The following GLP2R variants were observed in gnomAD, a reference collection of about 807,000 sequenced individuals.
The protein encoded by GLP2R is glucagon like peptide 2 receptor, also known as glucagon-like peptide 2 receptor.
GLP2R carries 59 observed loss-of-function variants against 68.2 expected under a neutral mutation model. The observed-to-expected ratio is 0.87, with a 90% CI of 0.70 to 1.07. GLP2R has a LOEUF of 1.07. Among genes scored for constraint, GLP2R ranks in the 50% least tolerant of loss-of-function variants. GLP2R has a pLI of 0.00. For synonymous variants in GLP2R, 270 were observed against 265.4 expected (o/e 1.02, Z -0.17); for missense variants, 548 against 677.4 (o/e 0.81, Z 2.12).
intron 10 of GLP2R, among the ~76,000 whole-genome samples, chr17:9,873,312 C>T (rs1037818478): frequency 2.6e-5 from 4 of 152,184 alleles, no homozygotes; most frequent in Non-Finnish European, 4.4e-5. Context: ...AAGCCTATCA[C>T]GGGCCACTGG....
intron 3 of GLP2R, among the ~76,000 whole-genome samples, chr17:9,841,911 C>A (rs1471604359): frequency 6.6e-6 from 1 of 152,176 alleles, no homozygotes; most frequent in Non-Finnish European, 1.5e-5. Context: ...GTCACAATGG[C>A]AGTCTGTATG....
At chr17:9,871,494 A>G (rs998015015) in intron 10 of GLP2R, among the ~76,000 whole-genome samples, 3 of 152,134 alleles carry the variant, frequency 2.0e-5, no homozygotes, top group Non-Finnish European at 4.4e-5. Flanking sequence ...AAATGAGACC[A>G]CAAACTTTTA....
At chr17:9,868,880 G>A (rs904814073) in intron 9 of GLP2R, among the ~76,000 whole-genome samples, 20 of 152,138 alleles carry the variant, frequency 1.3e-4, no homozygotes, top group African/African-American at 4.3e-4. Flanking sequence ...TAAGAAAAAT[G>A]CCTATGTTCA....
chr17:9,852,593 A>G (rs1051185580), intron 4 of GLP2R, among the ~76,000 whole-genome samples: 2 of 152,264 alleles, frequency 1.3e-5, no homozygotes, highest in Non-Finnish European at 2.9e-5. Flanking sequence ...ATTACAAAGT[A>G]TGAATAGAAT....
chr17:9,866,315 G>T, intron 9 of GLP2R: 1 of 178,866 alleles, frequency 5.6e-6, no homozygotes, highest in Non-Finnish European at 1.2e-5. Context: ...GGGACATTTG[G>T]CTGTGTCTGG....
chr17:9,891,292 G>A lies in GLP2R; in HGVS notation c.*1587G>A, dbSNP rs369111522. 5.9e-5 allele frequency: 9 copies of A among 151,994 alleles called. No homozygotes were observed. Among genetic ancestry groups the A allele is most frequent in the African/African-American group, 2.2e-4 (9 of 41,374 alleles). The allele number at this position is 151,994 out of a possible 1,614,324, so 9.4% of individuals were successfully genotyped here. ...TACTTTGCCACAGGGCTGGGACTAG[G>A]GTGAAATAATCAAGGCACTCATCTC... On this transcript the variant is annotated 3_prime_UTR_variant, in exon 13 of 13. Transcript: ENST00000262441.
chr17:9,859,999 T>A lies in GLP2R; in HGVS notation c.823T>A (p.Tyr275Asn). ...CTTGCATTACTTTGTGGGTGCCAATTACTTATGGCTGCTGGTTGAAGGCCT... is the reference window on the plus strand; with the variant it reads ...CTTGCATTACTTTGTGGGTGCCAATAACTTATGGCTGCTGGTTGAAGGCCT... ...VLLHYFVGAN[Y>N]LWLLVEGLYL... The change falls in exon 7 of 13, where the codon TAC becomes AAC. Residue 275 changes from tyrosine to asparagine, a missense_variant. By Grantham distance (143) the Tyr-to-Asn change is moderately radical. Transcript: ENST00000262441. 1.9e-6 allele frequency: 3 copies of A among 1,613,404 alleles called. No homozygotes were observed. The highest frequency in any genetic ancestry group is 2.5e-6 in the Non-Finnish European group (3 of 1,179,862).
intron 10 of GLP2R, among the ~76,000 whole-genome samples, chr17:9,878,006 A>G (rs1230533081): frequency 6.6e-6 from 1 of 152,222 alleles, no homozygotes; most frequent in Non-Finnish European, 1.5e-5. Context: ...AAAAACCATA[A>G]CACCATAACA....
intron 11 of GLP2R, among the ~76,000 whole-genome samples, chr17:9,884,508 G>C (rs1410114301): frequency 6.6e-6 from 1 of 152,166 alleles, no homozygotes; most frequent in East Asian, 1.9e-4. Flanking sequence ...GAGACACCAA[G>C]TTCCCTATAC....
intron 1 of GLP2R, among the ~76,000 whole-genome samples, 196 bp downstream of exon 1, chr17:9,826,448 G>A (rs1210214074): frequency 6.6e-6 from 1 of 152,024 alleles, no homozygotes; most frequent in Non-Finnish European, 1.5e-5. Context: ...TTTTCTCTAT[G>A]CATTTGTTTT....
intron 10 of GLP2R, among the ~76,000 whole-genome samples, chr17:9,872,968 C>T (rs914513484): frequency 3.3e-5 from 5 of 152,144 alleles, no homozygotes; most frequent in Admixed American, 6.5e-5. Flanking sequence ...GCAAGAAACC[C>T]GTAGCCCTGG....
intron 4 of GLP2R, among the ~76,000 whole-genome samples, chr17:9,849,904 C>A (rs1275106658): frequency 2.6e-5 from 4 of 152,120 alleles, no homozygotes; most frequent in Non-Finnish European, 4.4e-5. Context: ...TGAGCCACTG[C>A]GCCCAGCCTA....
chr17:9,863,350 C>A (rs1597393288), intron 9 of GLP2R, among the ~76,000 whole-genome samples: 1 of 152,214 alleles, frequency 6.6e-6, no homozygotes, highest in Admixed American at 6.5e-5. Flanking sequence ...TCTTCCCAAC[C>A]AACCTGTGAA....
rs1375540279 is a variant in GLP2R at position 9,890,699 on chromosome 17, T to C, written c.*994T>C. 1 of 152,366 alleles carries C rather than the reference T, an allele frequency of 6.6e-6. No homozygotes were observed. Among genetic ancestry groups the C allele is most frequent in the Non-Finnish European group, 1.5e-5 (1 of 68,160 alleles). The allele number at this position is 152,366 out of a possible 1,614,324, so 9.4% of individuals were successfully genotyped here. ...CAGGAAGTTGACCTATAACTCTCCA[T>C]GGCCAGAGTCCCTGCTGATCAGAAT... On this transcript the variant is annotated 3_prime_UTR_variant, in exon 13 of 13. Transcript: ENST00000262441.
intron 3 of GLP2R, among the ~76,000 whole-genome samples, chr17:9,841,547 G>A (rs1392046977): frequency 6.6e-6 from 1 of 152,140 alleles, no homozygotes; most frequent in Non-Finnish European, 1.5e-5. Flanking sequence ...CAGAAGGGGA[G>A]GGTGACTCTG....
At position 9,890,142 on chromosome 17, in the gene GLP2R, T is replaced by C; in HGVS notation, c.*437T>C. Reference sequence around the variant, plus strand: ...TTTAAAATGCAGAATCCTAGACTTGTGGCTAAGATTCTAAGACAGTGAGTC... The same window carrying C: ...TTTAAAATGCAGAATCCTAGACTTGCGGCTAAGATTCTAAGACAGTGAGTC... On this transcript the variant is annotated 3_prime_UTR_variant, in exon 13 of 13. Coordinates refer to ENST00000262441, the MANE Select transcript of GLP2R (RefSeq NM_004246.3). 2.3e-6 allele frequency: 1 copy of C among 441,948 alleles called. No individual in the cohort carries two copies. Among genetic ancestry groups the C allele is most frequent in the Admixed American group, 2.5e-5 (1 of 39,486 alleles). The allele number at this position is 441,948 out of a possible 1,614,324, so 27.4% of individuals were successfully genotyped here. A position where few individuals can be genotyped will look rare whatever the true frequency, so the allele number is the denominator to read the frequency against.
Position 9,845,737 on chromosome 17 carries a change from G to A in GLP2R, c.504+3121G>A, listed in dbSNP as rs2066830797. ...GCATTGGCTATTTGGTTGGATTTAT[G>A]TGTGTGTGTGCGTGTGTGTGTGTGT... is the stretch of plus-strand genomic sequence containing the variant. On this transcript the variant is annotated intron_variant, in intron 4 of 12. Transcript: ENST00000262441. 2.4e-5 allele frequency among the ~76,000 whole-genome samples: 3 copies of A among 124,984 alleles called. 1 individual carries two copies. In the Middle Eastern group the frequency reaches 0.012, roughly 516 times the overall value. The allele number at this position is 124,984 out of a possible 152,430, so 82.0% of individuals were successfully genotyped here.
intron 9 of GLP2R, chr17:9,866,051 A>C (rs1322043389): frequency 7.8e-6 from 3 of 382,188 alleles, no homozygotes; most frequent in African/African-American, 2.1e-5. Context: ...GGATTCTAGG[A>C]CTCTGTGCAT....
intron 10 of GLP2R, among the ~76,000 whole-genome samples, chr17:9,877,876 CAAAA>C (rs11329707): frequency 1.4e-4 from 14 of 100,678 alleles, no homozygotes; most frequent in Non-Finnish European, 1.3e-4. Flanking sequence ...GACTCCGTCT[CAAAA>C]AAAAAAAAAA....
Sources: allele counts gnomAD v4.1 joint callset (sites outside exome capture counted in the v4.1 genomes callset), GRCh38; gene constraint gnomAD v4.1.1; transcripts MANE v1.5; gene names NCBI Gene and HGNC (gene_info 2026-07-23, HGNC 2026-07-21).